EIF4E3: variants seen among roughly 807,000 people sequenced by gnomAD.
The protein encoded by EIF4E3 is eukaryotic translation initiation factor 4E type 3.
A neutral mutation model predicts 31.7 loss-of-function variants in EIF4E3; 26 were observed. That is an observed-to-expected ratio of 0.82 (90% CI 0.60 to 1.14). EIF4E3 has a LOEUF of 1.14. Ranked by LOEUF, EIF4E3 falls within the 50% of genes most tolerant of loss-of-function variation. The probability of loss-of-function intolerance (pLI) is 0.00; values close to 1 mark genes in which losing one functional copy is unlikely to be tolerated. For missense variants in EIF4E3, 304 were observed against 270.9 expected (o/e 1.12, Z -0.86); for synonymous variants, 128 against 107.7 (o/e 1.19, Z -1.17).
chr3:71,695,576 T>G (rs1392910185), intron 4 of EIF4E3, among the ~76,000 whole-genome samples: 1 of 152,238 alleles, frequency 6.6e-6, no homozygotes. Flanking sequence ...TCATTATGTA[T>G]GCCAAATAAC....
intron 2 of EIF4E3, among the ~76,000 whole-genome samples, chr3:71,706,303 A>G (rs1247499563): frequency 6.6e-6 from 1 of 152,190 alleles, no homozygotes; most frequent in Non-Finnish European, 1.5e-5. Flanking sequence ...TCTTACCTCC[A>G]GCCTCAGTCT....
At chr3:71,742,814 G>A (rs888874034) in intron 1 of EIF4E3, among the ~76,000 whole-genome samples, 2 of 152,146 alleles carry the variant, frequency 1.3e-5, no homozygotes, top group African/African-American at 4.8e-5. Flanking sequence ...AGGAATGCAA[G>A]GTTGGTTTAA....
intron 2 of EIF4E3, among the ~76,000 whole-genome samples, chr3:71,701,461 C>T (rs536211703): frequency 4.3e-4 from 66 of 152,298 alleles, no homozygotes; most frequent in Non-Finnish European, 7.2e-4. Flanking sequence ...GAAAACACTT[C>T]CCCATTTGTT....
At chr3:71,710,554 T>C in intron 1 of EIF4E3, 70 bp from the exon 2 acceptor site, 1 of 1,465,744 alleles carries the variant, frequency 6.8e-7, no homozygotes, top group Non-Finnish European at 9.3e-7. Context: ...CAGCCCACAG[T>C]AGAATCTTTC....
chr3:71,694,065 G>A, intron 4 of EIF4E3, 124 bp from the exon 5 acceptor site: 1 of 878,966 alleles, frequency 1.1e-6, no homozygotes, highest in Non-Finnish European at 1.7e-6. Context: ...GCCCATACTT[G>A]GAGTCCACAG....
chr3:71,734,894 G>A (rs1431023811), intron 1 of EIF4E3, among the ~76,000 whole-genome samples: 1 of 151,972 alleles, frequency 6.6e-6, no homozygotes, highest in Non-Finnish European at 1.5e-5. Context: ...CTTTTATTTT[G>A]GAGGTGAATT....
chr3:71,746,142 A>G (rs1018128602), intron 1 of EIF4E3, among the ~76,000 whole-genome samples: 1 of 152,214 alleles, frequency 6.6e-6, no homozygotes, highest in Non-Finnish European at 1.5e-5. Flanking sequence ...TCAAGAATTC[A>G]GGCTTTTGGT....
chr3:71,692,607 T>TA (rs952679054), intron 5 of EIF4E3, among the ~76,000 whole-genome samples: 3 of 152,080 alleles, frequency 2.0e-5, no homozygotes, highest in African/African-American at 7.2e-5. Flanking sequence ...TCTTTTTTTT[T>TA]TTTTTTGAAA....
At chr3:71,745,894 A>C (rs1467396677) in intron 1 of EIF4E3, among the ~76,000 whole-genome samples, 1 of 152,198 alleles carries the variant, frequency 6.6e-6, no homozygotes, top group African/African-American at 2.4e-5. Context: ...CATTATAGAA[A>C]TATCAATAAT....
chr3:71,727,119 C>T (rs2049648753), upstream of EIF4E3, among the ~76,000 whole-genome samples: 1 of 152,146 alleles, frequency 6.6e-6, no homozygotes, highest in Admixed American at 6.5e-5. Context: ...CTTTCAACTG[C>T]CAGACTCTCC....
intron 1 of EIF4E3, among the ~76,000 whole-genome samples, chr3:71,717,049 G>A (rs2049476026): frequency 6.6e-6 from 1 of 152,158 alleles, no homozygotes; most frequent in Non-Finnish European, 1.5e-5. Context: ...TCTTTTATCA[G>A]ACCACAGCAC....
chr3:71,673,226 A>C (rs1395826901), downstream of EIF4E3, among the ~76,000 whole-genome samples: 1 of 152,216 alleles, frequency 6.6e-6, no homozygotes, highest in Non-Finnish European at 1.5e-5. Context: ...CTTTATAAAG[A>C]GTTACAGGGC....
At chr3:71,671,846 A>G (rs1241528862), downstream of EIF4E3, among the ~76,000 whole-genome samples, 2 of 151,764 alleles carry the variant, frequency 1.3e-5, no homozygotes, top group African/African-American at 4.8e-5. Context: ...GACATGAAGC[A>G]CCCCCAGAAC....
intron 1 of EIF4E3, among the ~76,000 whole-genome samples, chr3:71,750,271 T>C (rs1395017042): frequency 1.3e-5 from 2 of 152,162 alleles, no homozygotes; most frequent in Non-Finnish European, 2.9e-5. Context: ...CAACGTCCCA[T>C]TTCATAAATG....
chr3:71,665,580 G>A, the EIF4E3 span, among the ~76,000 whole-genome samples: 1 of 152,144 alleles, frequency 6.6e-6, no homozygotes, highest in Non-Finnish European at 1.5e-5. Context: ...TTTAACTGGA[G>A]CTGCCTTCTG....
chr3:71,671,812 T>C (rs1210450257), downstream of EIF4E3, among the ~76,000 whole-genome samples: 1 of 152,158 alleles, frequency 6.6e-6, no homozygotes, highest in Non-Finnish European at 1.5e-5. Context: ...CTCCATTTTT[T>C]TTTTTGGAAG....
In EIF4E3 at chr3:71,696,512, T is replaced by A; in HGVS notation, c.353A>T (p.Glu118Val). The part of the protein sequence containing the change: ...RGERRPLWEE[E>V]SNAKGGVWKM... ...CCATACGCCACCCTTTGCATTACTC[T>A]CCTCTTCCCTGGGCCAAAGACCAAC... The change falls in exon 4 of 7, where the codon GAG becomes GTG. Residue 118 changes from glutamate to valine, a missense_variant. Glu to Val is a moderately radical substitution (Grantham distance 121). Coordinates refer to ENST00000425534, the MANE Select transcript of EIF4E3 (RefSeq NM_001134651.2). 6.2e-7 allele frequency: 1 copy of A among 1,614,130 alleles called. No homozygotes were observed.
intron 2 of EIF4E3, among the ~76,000 whole-genome samples, chr3:71,702,580 G>C (rs988384470): frequency 1.3e-5 from 2 of 152,088 alleles, no homozygotes; most frequent in African/African-American, 4.8e-5. Context: ...GATTCTGCTT[G>C]GCTTGGCAAA....
At chr3:71,674,290 A>G (rs1001497632), downstream of EIF4E3, among the ~76,000 whole-genome samples, 18 of 151,442 alleles carry the variant, frequency 1.2e-4, no homozygotes, top group Non-Finnish European at 2.1e-4. Flanking sequence ...TATTTTTAGT[A>G]TTGATGGGGT....
Sources: allele counts gnomAD v4.1 joint callset (sites outside exome capture counted in the v4.1 genomes callset), GRCh38; gene constraint gnomAD v4.1.1; transcripts MANE v1.5; gene names NCBI Gene and HGNC (gene_info 2026-07-23, HGNC 2026-07-21).